CCSER2: variants seen among roughly 807,000 people sequenced by gnomAD.
CCSER2 encodes coiled-coil serine rich protein 2.
CCSER2 carries 46 observed loss-of-function variants against 92.3 expected under a neutral mutation model. The observed-to-expected ratio is 0.50, with a 90% CI of 0.39 to 0.64. CCSER2 has a LOEUF of 0.64. Ranked by LOEUF, CCSER2 falls within the 30% of genes least tolerant of loss-of-function variation. CCSER2 has a pLI of 0.00. For missense variants in CCSER2, 1,244 were observed against 1,238.9 expected (o/e 1.00, Z -0.06); for synonymous variants, 433 against 431.4 (o/e 1.00, Z -0.04).
intron 3 of CCSER2, 110 bp downstream of exon 3, chr10:84,373,925 G>T: frequency 6.6e-7 from 1 of 1,520,834 alleles, no homozygotes; most frequent in South Asian, 1.2e-5. Flanking sequence ...ACTACTTTGA[G>T]AAATGGAAAT....
intron 6 of CCSER2, among the ~76,000 whole-genome samples, chr10:84,440,422 T>A (rs1844456019): frequency 6.6e-6 from 1 of 152,176 alleles, no homozygotes; most frequent in Non-Finnish European, 1.5e-5. Flanking sequence ...TTGTTTCTAA[T>A]GTGACTGAAT....
At chr10:84,441,726 C>T (rs1388423331) in intron 6 of CCSER2, among the ~76,000 whole-genome samples, 1 of 119,646 alleles carries the variant, frequency 8.4e-6, no homozygotes, top group African/African-American at 3.3e-5. Flanking sequence ...AAGTAGAAGA[C>T]TGGGAAAATG....
At chr10:84,446,333 A>C (rs550904196) in intron 6 of CCSER2, among the ~76,000 whole-genome samples, 1 of 152,324 alleles carries the variant, frequency 6.6e-6, no homozygotes, top group Non-Finnish European at 1.5e-5. Context: ...ACAAATGTTT[A>C]GTTTCATTAT....
chr10:84,343,419 A>G (rs958657567), intron 1 of CCSER2, among the ~76,000 whole-genome samples: 4 of 152,180 alleles, frequency 2.6e-5, no homozygotes, highest in African/African-American at 7.2e-5. Context: ...GTAGACCACT[A>G]TAAGAAGCCC....
intron 3 of CCSER2, among the ~76,000 whole-genome samples, chr10:84,379,720 C>T (rs376507769): frequency 5.3e-5 from 8 of 152,160 alleles, no homozygotes; most frequent in East Asian, 1.9e-4. Flanking sequence ...TGATTTTGTA[C>T]GTATTTTACA....
intron 1 of CCSER2, among the ~76,000 whole-genome samples, chr10:84,346,670 C>G (rs1844495669): frequency 6.6e-6 from 1 of 151,728 alleles, no homozygotes; most frequent in Non-Finnish European, 1.5e-5. Context: ...TGTTACAGAT[C>G]AGGACATAGT....
intron 7 of CCSER2, among the ~76,000 whole-genome samples, chr10:84,464,371 G>T (rs1846270246): frequency 6.6e-6 from 1 of 152,110 alleles, no homozygotes; most frequent in Non-Finnish European, 1.5e-5. Flanking sequence ...TACTGAAAAT[G>T]AGATTAATTT....
chr10:84,510,767 C>T (rs910692333), intron 9 of CCSER2, among the ~76,000 whole-genome samples: 2 of 152,164 alleles, frequency 1.3e-5, no homozygotes, highest in Non-Finnish European at 2.9e-5. Context: ...TAAGAGGTAG[C>T]TTGTTGTTCA....
chr10:84,483,956 TATATATA>T (rs1564711451), intron 9 of CCSER2, among the ~76,000 whole-genome samples: 3,970 of 89,014 alleles, frequency 0.045, 203 homozygotes, highest in Admixed American at 0.08. Flanking sequence ...GGCTAATTTA[TATATATA>T]TATATATATA....
chr10:84,338,528 ATTAACT>A (rs1054451455), intron 1 of CCSER2, among the ~76,000 whole-genome samples: 28 of 152,314 alleles, frequency 1.8e-4, no homozygotes, highest in African/African-American at 6.5e-4. Flanking sequence ...CGTAAATGAA[ATTAACT>A]TTATCCTCAT....
intron 6 of CCSER2, among the ~76,000 whole-genome samples, chr10:84,452,931 A>G (rs965219347): frequency 6.6e-6 from 1 of 151,858 alleles, no homozygotes; most frequent in African/African-American, 2.4e-5. Flanking sequence ...TGTCAGAGTT[A>G]TTAGGAGGGT....
intron 3 of CCSER2, chr10:84,389,681 C>A: frequency 5.9e-6 from 1 of 169,068 alleles, no homozygotes; most frequent in Non-Finnish European, 1.3e-5. Context: ...AAGAGAGTTG[C>A]ACCTTGGCCT....
chr10:84,365,558 G>A (rs760375465), intron 1 of CCSER2, among the ~76,000 whole-genome samples: 1 of 152,174 alleles, frequency 6.6e-6, no homozygotes, highest in Non-Finnish European at 1.5e-5. Flanking sequence ...TTTAGAAATC[G>A]TTATTCTTCA....
intron 2 of CCSER2, among the ~76,000 whole-genome samples, chr10:84,373,392 A>G (rs1308215308): frequency 6.6e-6 from 1 of 152,138 alleles, no homozygotes; most frequent in Non-Finnish European, 1.5e-5. Context: ...GTGAAAGATG[A>G]CTAAATGAAT....
At chr10:84,465,117 T>A (rs1846316147) in intron 7 of CCSER2, among the ~76,000 whole-genome samples, 1 of 151,676 alleles carries the variant, frequency 6.6e-6, no homozygotes. Context: ...GCAGGCCATC[T>A]CTTAACACTC....
At chr10:84,335,733 A>G (rs1229981393) in intron 1 of CCSER2, among the ~76,000 whole-genome samples, 1 of 152,220 alleles carries the variant, frequency 6.6e-6, no homozygotes, top group Non-Finnish European at 1.5e-5. Flanking sequence ...CATCATATTA[A>G]TGATATTTCG....
intron 9 of CCSER2, among the ~76,000 whole-genome samples, chr10:84,485,850 C>T (rs1257756532): frequency 2.0e-5 from 3 of 152,142 alleles, no homozygotes; most frequent in Admixed American, 6.5e-5. Context: ...CCTATTAACT[C>T]GTCATTTACA....
At chr10:84,362,058 T>A (rs1253085240) in intron 1 of CCSER2, among the ~76,000 whole-genome samples, 1 of 152,210 alleles carries the variant, frequency 6.6e-6, no homozygotes, top group African/African-American at 2.4e-5. Flanking sequence ...GAGTAGTGTA[T>A]TCTGGTGAAT....
At chr10:84,428,150 A>G (rs752321588) in intron 5 of CCSER2, among the ~76,000 whole-genome samples, 1 of 152,146 alleles carries the variant, frequency 6.6e-6, no homozygotes, top group Non-Finnish European at 1.5e-5. Context: ...TTAGTCCTGT[A>G]GGACAGTGGT....
Sources: gnomAD v4.1 joint callset for allele counts (sites outside exome capture counted in the v4.1 genomes callset) on GRCh38, gnomAD v4.1.1 for gene constraint, MANE v1.5 for transcripts, NCBI Gene and HGNC (gene_info 2026-07-23, HGNC 2026-07-21) for gene names.